The following ARHGDIA variants were observed in gnomAD, a reference collection of about 807,000 sequenced individuals.
ARHGDIA encodes the protein Rho GDP dissociation inhibitor alpha.
A neutral mutation model predicts 25.0 loss-of-function variants in ARHGDIA; 9 were observed. The ratio of observed to expected loss-of-function variants is 0.36; its 90% CI spans 0.22 to 0.63. The LOEUF is 0.63. Ranked by LOEUF, ARHGDIA falls within the 20% of genes least tolerant of loss-of-function variation. The probability of loss-of-function intolerance (pLI) is 0.69; values close to 1 mark genes in which losing one functional copy is unlikely to be tolerated. For missense variants in ARHGDIA, 239 were observed against 264.3 expected, an observed-to-expected ratio of 0.90 and a Z score of 0.66; for synonymous variants, 166 against 111.5, an observed-to-expected ratio of 1.49 and a Z score of -3.08.
chr17:81,869,513 C>G (rs1446503482), intron 3 of ARHGDIA, 29 bp downstream of exon 3: 1 of 1,605,136 alleles, frequency 6.2e-7, no homozygotes, highest in East Asian at 2.2e-5. Flanking sequence ...CAGGGGCCGC[C>G]CGGACCCCCG....
At position 81,868,782 on chromosome 17, in the gene ARHGDIA, A is replaced by C. The variant is rs1450239135; in HGVS notation, c.*94T>G. 5 of 1,372,604 alleles carry C rather than the reference A, an allele frequency of 3.6e-6. No individual in the cohort carries two copies. The highest frequency in any genetic ancestry group is 4.9e-6 in the Non-Finnish European group (5 of 1,010,986). The allele number at this position is 1,372,604 out of a possible 1,614,324, so 85.0% of individuals were successfully genotyped here. ...GTGGGAGGGGCACGGAGGGCCTGTC[A>C]GCACTTTGGTATGGGGAGGGGAGGG... On this transcript the variant is annotated 3_prime_UTR_variant, in exon 6 of 6. Transcript: ENST00000269321.
chr17:81,871,117 A>G (rs1033286533), intron 1 of ARHGDIA, 181 bp downstream of exon 1: 5 of 110,614 alleles, frequency 4.5e-5, no homozygotes, highest in Admixed American at 4.4e-4. Context: ...CCTAGCCCGC[A>G]CCGCCCTGGC....
In ARHGDIA at chr17:81,868,820, A is replaced by T; in HGVS notation, c.*56T>A. ...GGGGAGGGGAGGGGCTGGGGGGGACACATCCGCCTGTCCGTCGTCCGTCCG... is the reference window on the plus strand; with the variant it reads ...GGGGAGGGGAGGGGCTGGGGGGGACTCATCCGCCTGTCCGTCGTCCGTCCG... On this transcript the variant is annotated 3_prime_UTR_variant, in exon 6 of 6. Transcript: ENST00000269321. 6.2e-7 allele frequency: 1 copy of T among 1,609,950 alleles called. No individual in the cohort carries two copies. Among genetic ancestry groups the T allele is most frequent in the South Asian group, 1.1e-5 (1 of 90,396 alleles).
intron 5 of ARHGDIA, 29 bp downstream of exon 5, chr17:81,869,144 C>T: frequency 6.2e-7 from 1 of 1,613,800 alleles, no homozygotes; most frequent in Non-Finnish European, 8.5e-7. Flanking sequence ...CCAAGCGGCC[C>T]CCTCTGCCCT....
chr17:81,869,778 G>C lies in ARHGDIA; in HGVS notation c.153C>G (p.Tyr51Ter). 1 of 1,613,942 alleles carries C rather than the reference G, an allele frequency of 6.2e-7. No homozygotes were observed. The highest frequency in any genetic ancestry group is 8.5e-7 in the Non-Finnish European group (1 of 1,179,980). Residue 51 changes from tyrosine to a stop codon, truncating the protein, a stop_gained, in exon 2 of 6, where the codon TAC (tyrosine) becomes TAG (stop). Coordinates refer to ENST00000269321, the MANE Select transcript of ARHGDIA (RefSeq NM_004309.6). LOFTEE classifies it high-confidence loss of function. ...CCACGCGGCCCAGCAGGGCCTCCTT[G>C]TACTTTCGCAGGCTCTCGTCGTCCT... ...LDKDDESLRK[Y>*]KEALLGRVAV...
chr17:81,869,392 A>C lies in ARHGDIA; in HGVS notation c.289T>G (p.Phe97Val), dbSNP rs1157150646. 1 of 1,613,818 alleles carries C rather than the reference A, an allele frequency of 6.2e-7. No homozygotes were observed. The highest frequency in any genetic ancestry group is 1.1e-5 in the South Asian group (1 of 91,078). Residue 97 changes from phenylalanine to valine, a missense_variant, in exon 4 of 6, where the codon TTC becomes GTC. This residue lies in a region of ARHGDIA where 75 missense variants were observed against 122.4 expected (regional missense o/e 0.61). Coordinates refer to ENST00000269321, the MANE Select transcript of ARHGDIA (RefSeq NM_004309.6). ...ELDLTGDLES[F>V]KKQSFVLKEG... is the part of the protein sequence containing the mutation. ...TTCAGCACAAACGACTGCTTCTTGA[A>C]GCTCTCCAGGTCGCCTGTTGGGGGG...
In ARHGDIA at chr17:81,869,904, C is replaced by G; in HGVS notation, c.27G>C (p.Glu9Asp). 1 of 1,613,860 alleles carries G rather than the reference C, an allele frequency of 6.2e-7. No individual in the cohort carries two copies. The highest frequency in any genetic ancestry group is 8.5e-7 in the Non-Finnish European group (1 of 1,180,010). MAEQEPTA[E>D]QLAQIAAENE... ...TCTCCGCTGCAATCTGGGCCAGCTGCTCGGCTGTGGGCTCCTGCTCAGCCA... is the reference window on the plus strand; with the variant it reads ...TCTCCGCTGCAATCTGGGCCAGCTGGTCGGCTGTGGGCTCCTGCTCAGCCA... The change falls in exon 2 of 6, where the codon GAG becomes GAC. Residue 9 changes from glutamate to aspartate, a missense_variant. Glu to Asp is a conservative substitution (Grantham distance 45). Transcript: ENST00000269321.
chr17:81,869,656 C>T lies in ARHGDIA; in HGVS notation c.191-31G>A, dbSNP rs201919353. The T allele has an allele frequency of 2.6e-6, 4 of 1,528,558 alleles. No individual in the cohort carries two copies. The African/African-American group carries it at 4.1e-5, about 16-fold the overall frequency. 94.7% of individuals were successfully genotyped at this position (1,528,558 alleles called of 1,614,324 possible). On this transcript the variant is annotated intron_variant, in intron 2 of 5. Coordinates refer to ENST00000269321, the MANE Select transcript of ARHGDIA (RefSeq NM_004309.6). ...GAGTGACAGCAGGTGAGGGCCCCAC[C>T]CCCACCAGTGGAAGTAGGGGCTGGG...
Position 81,868,168 on chromosome 17 carries a change from G to T in ARHGDIA, c.*708C>A. On this transcript the variant is annotated 3_prime_UTR_variant, in exon 6 of 6. Coordinates refer to ENST00000269321, the MANE Select transcript of ARHGDIA (RefSeq NM_004309.6). Reference sequence around the variant, plus strand: ...TTGGCAATTTGGCTTTCCCCAAGCCGCCGGAGCCATCTCCACAGCCCTGTC... The same window carrying T: ...TTGGCAATTTGGCTTTCCCCAAGCCTCCGGAGCCATCTCCACAGCCCTGTC... The T allele has an allele frequency of 1.8e-6, 1 of 541,048 alleles. No individual in the cohort carries two copies. The highest frequency in any genetic ancestry group is 3.1e-6 in the Non-Finnish European group (1 of 324,258). The allele number at this position is 541,048 out of a possible 1,614,324, so 33.5% of individuals were successfully genotyped here. A position where few individuals can be genotyped will look rare whatever the true frequency, so the allele number is the denominator to read the frequency against.
At chr17:81,870,610 C>T (rs779177399) in intron 1 of ARHGDIA, 1 of 152,282 alleles carries the variant, frequency 6.6e-6, no homozygotes, top group East Asian at 1.9e-4. Context: ...AGATGGTGGG[C>T]CCGGAGTGCC....
Position 81,868,831 on chromosome 17 carries a change from T to A in ARHGDIA, c.*45A>T, listed in dbSNP as rs778825097. 1 of 1,612,112 alleles carries A rather than the reference T, an allele frequency of 6.2e-7. No individual in the cohort carries two copies. Among genetic ancestry groups the A allele is most frequent in the African/African-American group, 1.3e-5 (1 of 75,016 alleles). ...GGGCTGGGGGGGACACATCCGCCTG[T>A]CCGTCGTCCGTCCGTCAGTCTGCCC... is the stretch of plus-strand genomic sequence containing the variant. On this transcript the variant is annotated 3_prime_UTR_variant, in exon 6 of 6. Coordinates refer to ENST00000269321, the MANE Select transcript of ARHGDIA (RefSeq NM_004309.6).
At position 81,868,978 on chromosome 17, in the gene ARHGDIA, G is replaced by A. The variant is rs1174831528; in HGVS notation, c.513C>T (p.Ala171=). ...GGGACTTGATGCTGTAGCTGCCCCG[G>A]GCCAGCATACCCTTGGGTGCCTCCT... ...PVEEAPKGML[A]RGSYSIKSRF... is the part of the protein sequence containing the mutation. Residue 171 remains alanine, a synonymous_variant, in exon 6 of 6, where the codon GCC becomes GCT. Coordinates refer to ENST00000269321, the MANE Select transcript of ARHGDIA (RefSeq NM_004309.6). 6.2e-7 allele frequency: 1 copy of A among 1,613,686 alleles called. No individual in the cohort carries two copies. The highest frequency in any genetic ancestry group is 8.5e-7 in the Non-Finnish European group (1 of 1,179,998).
chr17:81,868,183 A>G lies in ARHGDIA; in HGVS notation c.*693T>C, dbSNP rs1431363653. 6.5e-6 allele frequency: 4 copies of G among 615,382 alleles called. No homozygotes were observed. The highest frequency in any genetic ancestry group is 3.7e-5 in the African/African-American group (2 of 54,302). 38.1% of individuals were successfully genotyped at this position (615,382 alleles called of 1,614,324 possible). A position where few individuals can be genotyped will look rare whatever the true frequency, so the allele number is the denominator to read the frequency against. ...TCCCCAAGCCGCCGGAGCCATCTCCACAGCCCTGTCCAGGGAAGGGGGCAG... is the reference window on the plus strand; with the variant it reads ...TCCCCAAGCCGCCGGAGCCATCTCCGCAGCCCTGTCCAGGGAAGGGGGCAG... On this transcript the variant is annotated 3_prime_UTR_variant, in exon 6 of 6. Transcript: ENST00000269321.
In ARHGDIA at chr17:81,868,046, TG is replaced by T. The variant is rs998061919; in HGVS notation, c.*829del. 1.2e-5 allele frequency: 3 copies of T among 251,328 alleles called. No homozygotes were observed. Among genetic ancestry groups the T allele is most frequent in the South Asian group, 1.5e-4 (1 of 6,522 alleles). The allele number at this position is 251,328 out of a possible 1,614,324, so 15.6% of individuals were successfully genotyped here. The stretch of plus-strand genomic sequence containing the variant: ...AGTGAGGCTGTCCATCGAGGGCTCT[TG>T]GGGGGGTGTGGGCTCTGGGCACTGC... On this transcript the variant is annotated 3_prime_UTR_variant, in exon 6 of 6. Transcript: ENST00000269321.
Position 81,869,388 on chromosome 17 carries a change from T to C in ARHGDIA, c.293A>G (p.Lys98Arg), listed in dbSNP as rs1360997058. 1.9e-6 allele frequency: 3 copies of C among 1,613,872 alleles called. No homozygotes were observed. The highest frequency in any genetic ancestry group is 1.7e-5 in the Admixed American group (1 of 60,010). ...CTCCTTCAGCACAAACGACTGCTTC[T>C]TGAAGCTCTCCAGGTCGCCTGTTGG... ...LDLTGDLESFKKQSFVLKEGV... is the reference protein window; with the variant it reads ...LDLTGDLESFRKQSFVLKEGV... The change falls in exon 4 of 6, where the codon AAG becomes AGG. Residue 98 changes from lysine (K) to arginine (R), a missense_variant. Transcript: ENST00000269321.
chr17:81,868,484 G>T lies in ARHGDIA; in HGVS notation c.*392C>A. 1 of 1,524,354 alleles carries T rather than the reference G, an allele frequency of 6.6e-7. No homozygotes were observed. 94.4% of individuals were successfully genotyped at this position (1,524,354 alleles called of 1,614,324 possible). A position where few individuals can be genotyped will look rare whatever the true frequency, so the allele number is the denominator to read the frequency against. The stretch of plus-strand genomic sequence containing the variant: ...CATCCCACACCCCAGCTCCACCCCG[G>T]AGCAGCAGACGCACACGTCCAGGGG... On this transcript the variant is annotated 3_prime_UTR_variant, in exon 6 of 6. Transcript: ENST00000269321.
chr17:81,868,405 G>A lies in ARHGDIA; in HGVS notation c.*471C>T. 3 of 1,448,072 alleles carry A rather than the reference G, an allele frequency of 2.1e-6. No homozygotes were observed. The highest frequency in any genetic ancestry group is 1.4e-5 in the South Asian group (1 of 70,802). The allele number at this position is 1,448,072 out of a possible 1,614,324, so 89.7% of individuals were successfully genotyped here. A position where few individuals can be genotyped will look rare whatever the true frequency, so the allele number is the denominator to read the frequency against. ...TAGACGGGACCGACAGCGACAAGGG[G>A]GCTGGCCAGGGAGCAGCGGGGCTGG... On this transcript the variant is annotated 3_prime_UTR_variant, in exon 6 of 6. Coordinates refer to ENST00000269321, the MANE Select transcript of ARHGDIA (RefSeq NM_004309.6).
rs532695235 is a variant in ARHGDIA at position 81,869,619 on chromosome 17, T to C, written c.197A>G (p.Asn66Ser). The change falls in exon 3 of 6, where the codon AAC becomes AGC. Residue 66 changes from asparagine to serine, a missense_variant. Physicochemically the swap from Asn to Ser is conservative, Grantham distance 46. This residue lies in a region of ARHGDIA where 135 missense variants were observed against 119.8 expected (regional missense o/e 1.13). Coordinates refer to ENST00000269321, the MANE Select transcript of ARHGDIA (RefSeq NM_004309.6). ...LGRVAVSADP[N>S]VPNVVVTGLT... Reference sequence around the variant, plus strand: ...GCCAGTCACCACGACGTTGGGGACGTTGGGGTCTGGGGAGTGACAGCAGGT... The same window carrying C: ...GCCAGTCACCACGACGTTGGGGACGCTGGGGTCTGGGGAGTGACAGCAGGT... 18 of 1,515,804 alleles carry C rather than the reference T, an allele frequency of 1.2e-5. No individual in the cohort carries two copies. Among genetic ancestry groups the C allele is most frequent in the Admixed American group, 6.7e-5 (3 of 44,446 alleles). 93.9% of individuals were successfully genotyped at this position (1,515,804 alleles called of 1,614,324 possible). A position where few individuals can be genotyped will look rare whatever the true frequency, so the allele number is the denominator to read the frequency against.
In ARHGDIA at chr17:81,869,750, C is replaced by T. The variant is rs2039222002; in HGVS notation, c.181G>A (p.Val61Ile). The stretch of plus-strand genomic sequence containing the variant: ...CGCAGCCCAGACTCACCTGCGGAAA[C>T]GGCCACGCGGCCCAGCAGGGCCTCC... The part of the protein sequence containing the change: ...YKEALLGRVA[V>I]SADPNVPNVV... Residue 61 changes from valine to isoleucine, a missense_variant, in exon 2 of 6, where the codon GTT (valine) becomes ATT (isoleucine). Transcript: ENST00000269321. 7 of 1,612,918 alleles carry T rather than the reference C, an allele frequency of 4.3e-6. No individual in the cohort carries two copies. The highest frequency in any genetic ancestry group is 5.1e-6 in the Non-Finnish European group (6 of 1,179,598).
Sources: allele counts gnomAD v4.1 joint callset, GRCh38; gene constraint gnomAD v4.1.1; regional missense constraint gnomAD v4.1.1; transcripts MANE v1.5; gene names NCBI Gene and HGNC (gene_info 2026-07-23, HGNC 2026-07-21).